The following AK7 variants were observed in gnomAD, a reference collection of about 807,000 sequenced individuals.
AK7 encodes ATP-AMP transphosphorylase 7.
AK7 carries 78 observed loss-of-function variants against 96.6 expected under a neutral mutation model. The observed-to-expected ratio is 0.81, with a 90% confidence interval of 0.67 to 0.97. The LOEUF (loss-of-function observed/expected upper bound fraction) is 0.97. Among genes scored for constraint, AK7 ranks in the 50% least tolerant of loss-of-function variants. The pLI is 0.00. For synonymous variants in AK7, 302 were observed against 317.2 expected (o/e 0.95, Z 0.51); for missense variants, 855 against 887.9 (o/e 0.96, Z 0.47).
At chr14:96,407,554 C>A in intron 3 of AK7, among the ~76,000 whole-genome samples, 1 of 149,350 alleles carries the variant, frequency 6.7e-6, no homozygotes, top group South Asian at 2.1e-4. Flanking sequence ...CACTTTGCAG[C>A]TCTGATATGT....
At chr14:96,479,535 C>T (rs543450986) in intron 15 of AK7, among the ~76,000 whole-genome samples, 9 of 152,170 alleles carry the variant, frequency 5.9e-5, no homozygotes, top group Admixed American at 5.9e-4. Flanking sequence ...CTGGCCAGCC[C>T]ATCCCCGTAG....
chr14:96,439,533 G>A (rs369480159), intron 6 of AK7, among the ~76,000 whole-genome samples: 10 of 152,054 alleles, frequency 6.6e-5, no homozygotes, highest in South Asian at 6.2e-4. Flanking sequence ...GCATGGTGGC[G>A]GGAGCCTGTG....
chr14:96,415,757 T>A (rs889596776), intron 4 of AK7, among the ~76,000 whole-genome samples: 4 of 145,482 alleles, frequency 2.7e-5, no homozygotes, highest in African/African-American at 1.0e-4. Context: ...TTAATTAATT[T>A]AATACATTAA....
intron 5 of AK7, chr14:96,421,301 T>A (rs1891676381): frequency 6.2e-6 from 1 of 160,636 alleles, no homozygotes; most frequent in Non-Finnish European, 1.4e-5. Flanking sequence ...CTCTTATGAA[T>A]AAGGAGATGG....
chr14:96,447,951 C>G (rs1893339737), intron 8 of AK7, among the ~76,000 whole-genome samples: 1 of 151,790 alleles, frequency 6.6e-6, no homozygotes, highest in South Asian at 2.1e-4. Flanking sequence ...ATGGTGAAAC[C>G]CCATCTCTAC....
intron 5 of AK7, among the ~76,000 whole-genome samples, chr14:96,435,165 C>A (rs1325881245): frequency 6.6e-6 from 1 of 152,056 alleles, no homozygotes. Flanking sequence ...TTTTCTCAAG[C>A]AGAAGGAGTT....
At chr14:96,472,783 T>G in intron 14 of AK7, 28 bp downstream of exon 14, 1 of 1,578,706 alleles carries the variant, frequency 6.3e-7, no homozygotes, top group Non-Finnish European at 8.7e-7. Context: ...AGATCACATT[T>G]AAAAGAATGT....
chr14:96,458,505 G>T (rs1384020843), intron 12 of AK7, among the ~76,000 whole-genome samples: 1 of 151,978 alleles, frequency 6.6e-6, no homozygotes, highest in Non-Finnish European at 1.5e-5. Context: ...ACTTTGGGAG[G>T]CCGAGGCGGG....
At chr14:96,402,215 AC>A (rs1890454746) in intron 2 of AK7, among the ~76,000 whole-genome samples, 1 of 151,454 alleles carries the variant, frequency 6.6e-6, no homozygotes, top group African/African-American at 2.4e-5. Context: ...ACACACACAC[AC>A]ACAATTCTTC....
intron 10 of AK7, among the ~76,000 whole-genome samples, chr14:96,453,745 C>G (rs1893736224): frequency 6.6e-6 from 1 of 152,104 alleles, no homozygotes; most frequent in African/African-American, 2.4e-5. Context: ...AGTCATACTT[C>G]TCATTGTAAA....
chr14:96,425,047 TACTC>T (rs1315007281), intron 5 of AK7, among the ~76,000 whole-genome samples: 2 of 152,220 alleles, frequency 1.3e-5, no homozygotes, highest in Admixed American at 1.3e-4. Context: ...CCAACTTTCT[TACTC>T]ACTCTTTTCT....
At position 96,442,731 on chromosome 14, in the gene AK7, T is replaced by C. The variant is rs1893024028; in HGVS notation, c.692T>C (p.Met231Thr). The C allele has an allele frequency of 6.2e-7, 1 of 1,614,008 alleles. No homozygotes were observed. The highest frequency in any genetic ancestry group is 8.5e-7 in the Non-Finnish European group (1 of 1,179,822). ...EGGMLHTFFK[M>T]AWLGEIPALP... is the part of the protein sequence containing the mutation. Reference sequence around the variant, plus strand: ...TGATTTTGCTTTTCTTCCTTTCAGATGGCTTGGTTGGGCGAGATTCCTGCA... The same window carrying C: ...TGATTTTGCTTTTCTTCCTTTCAGACGGCTTGGTTGGGCGAGATTCCTGCA... Residue 231 changes from methionine to threonine, a missense_variant and splice_region_variant, in exon 7 of 18, where the codon ATG becomes ACG. Physicochemically the swap from Met to Thr is moderately conservative, Grantham distance 81 (BLOSUM62 -1). Transcript: ENST00000267584.
At chr14:96,445,010 G>A (rs945213692) in intron 7 of AK7, among the ~76,000 whole-genome samples, 5 of 152,112 alleles carry the variant, frequency 3.3e-5, no homozygotes, top group Non-Finnish European at 7.4e-5. Flanking sequence ...GAGCCACCAC[G>A]CCCAGCCCCA....
intron 2 of AK7, among the ~76,000 whole-genome samples, chr14:96,402,028 C>G (rs917638169): frequency 6.6e-6 from 1 of 152,150 alleles, no homozygotes; most frequent in African/African-American, 2.4e-5. Context: ...GTCCTGGGCC[C>G]CAGAGTTTAG....
intron 16 of AK7, 113 bp downstream of exon 16, chr14:96,483,332 G>A: frequency 1.9e-6 from 2 of 1,062,104 alleles, no homozygotes; most frequent in Non-Finnish European, 1.3e-6. Flanking sequence ...AAATGTCATG[G>A]AAATACCCTA....
chr14:96,401,447 G>A lies in AK7; in HGVS notation c.294+3184G>A, dbSNP rs189830031. 3.9e-5 allele frequency among the ~76,000 whole-genome samples: 6 copies of A among 152,290 alleles called. No homozygotes were observed. The East Asian group carries it at 1.2e-3, about 29-fold the overall frequency. On this transcript the variant is annotated intron_variant, in intron 2 of 17. Transcript: ENST00000267584. ...GTTGGGATCTACTGGAGATGGTGGG[G>A]CTGAGGCTGGTCTTCCGTGGTTGAG... is the stretch of plus-strand genomic sequence containing the variant.
intron 10 of AK7, 81 bp from the exon 11 acceptor site, chr14:96,456,262 GCACT>G: frequency 1.2e-5 from 6 of 504,720 alleles, no homozygotes; most frequent in Non-Finnish European, 1.6e-5. Context: ...AAAAAAAAAA[GCACT>G]CCCCTGAAAT....
intron 11 of AK7, 38 bp downstream of exon 11, chr14:96,456,513 A>C: frequency 2.5e-6 from 4 of 1,600,412 alleles, no homozygotes. Context: ...ATTTTAATTA[A>C]TTACTGTATT....
At chr14:96,412,226 C>CTT (rs34331496) in intron 4 of AK7, among the ~76,000 whole-genome samples, 8 of 120,954 alleles carry the variant, frequency 6.6e-5, no homozygotes, top group South Asian at 5.3e-4. Context: ...TTCTTTCTTT[C>CTT]TTTTTTTTTT....
Sources: gnomAD v4.1 joint callset for allele counts (sites outside exome capture counted in the v4.1 genomes callset) on GRCh38, gnomAD v4.1.1 for gene constraint, MANE v1.5 for transcripts, NCBI Gene and HGNC (gene_info 2026-07-23, HGNC 2026-07-21) for gene names.